Variants in ATG4A observed in about 807,000 individuals in gnomAD.
ATG4A encodes cysteine protease ATG4A.
A neutral mutation model predicts 38.4 loss-of-function variants in ATG4A; 22 were observed. The observed-to-expected ratio is 0.57, with a 90% confidence interval of 0.41 to 0.82. The LOEUF is 0.82. Among genes scored for constraint, ATG4A ranks in the 40% least tolerant of loss-of-function variants. The pLI, the probability that ATG4A is intolerant of heterozygous loss-of-function variation, is 0.00. For missense variants in ATG4A, 220 were observed against 290.0 expected (o/e 0.76, Z 1.75); for synonymous variants, 86 against 100.7 (o/e 0.85, Z 0.88).
chrX:108,141,039 C>CGTGT (rs2033249821), intron 9 of ATG4A, among the ~76,000 whole-genome samples: 1 of 49,430 alleles, frequency 2.0e-5, no homozygotes, highest in Non-Finnish European at 3.4e-5. Flanking sequence ...TACATATATA[C>CGTGT]ATATATATAC....
rs191969259 is a variant in ATG4A, at chrX:108,108,600, T to A, written c.10+16764T>A. The stretch of plus-strand genomic sequence containing the variant: ...TACTTCTTTATTTTTAGCTTTTTTT[T>A]AAATTGTGGTGAAAAATATAAACCA... On this transcript the variant is annotated intron_variant, in intron 1 of 12. Coordinates refer to ENST00000372232, the MANE Select transcript of ATG4A (RefSeq NM_052936.5). Among the ~76,000 whole-genome samples the A allele has an allele frequency of 3.4e-3, 378 of 111,390 alleles. 3 individuals are homozygous for A. The highest frequency in any genetic ancestry group is 0.012 in the African/African-American group (359 of 30,662).
chrX:108,151,102 A>AT (rs1461643056), intron 10 of ATG4A, among the ~76,000 whole-genome samples: 1 of 111,581 alleles, frequency 9.0e-6, no homozygotes, highest in African/African-American at 3.3e-5. Context: ...CACTAGGGAG[A>AT]GATAAGGGAG....
chrX:108,124,114 A>C (rs988289751), intron 1 of ATG4A, among the ~76,000 whole-genome samples: 1 of 111,996 alleles, frequency 8.9e-6, no homozygotes, highest in Non-Finnish European at 1.9e-5. Flanking sequence ...GCACAGTGTG[A>C]TTTGCCCTGC....
intron 2 of ATG4A, chrX:108,126,694 C>T: frequency 1.1e-6 from 1 of 904,324 alleles, no homozygotes; most frequent in Non-Finnish European, 1.4e-6. Flanking sequence ...GACCGTAGCA[C>T]TGTCTCAGTT....
chrX:108,116,596 T>C (rs774169769), intron 1 of ATG4A, among the ~76,000 whole-genome samples: 1 of 112,147 alleles, frequency 8.9e-6, no homozygotes, highest in South Asian at 3.8e-4. Flanking sequence ...TCTAGGTGAC[T>C]ACTTGGTGCA....
Position 108,131,260 on chromosome X carries a change from G to A in ATG4A, c.194G>A (p.Gly65Asp), listed in dbSNP as rs748777915. Residue 65 changes from glycine (G) to aspartate (D), a missense_variant and splice_region_variant, in exon 4 of 13, where the codon GGT becomes GAT. Around this residue, in one of 3 missense-constraint regions of ATG4A, gnomAD observed 61 missense variants for 83.3 expected, o/e 0.73. Coordinates refer to ENST00000372232, the MANE Select transcript of ATG4A (RefSeq NM_052936.5). ...FTYRRKFSPI[G>D]GTGPSSDAGW... Reference sequence around the variant, plus strand: ...TAATTCCCTTCCATTTTGCCAACAGGTGGAACGGGCCCTTCATCAGATGCT... The same window carrying A: ...TAATTCCCTTCCATTTTGCCAACAGATGGAACGGGCCCTTCATCAGATGCT... 8.3e-7 allele frequency: 1 copy of A among 1,209,048 alleles called. No homozygotes were observed. The highest frequency in any genetic ancestry group is 1.7e-5 in the African/African-American group (1 of 57,318).
intron 2 of ATG4A, among the ~76,000 whole-genome samples, chrX:108,127,897 T>A (rs2059638719): frequency 8.9e-6 from 1 of 111,979 alleles, no homozygotes; most frequent in South Asian, 3.8e-4. Flanking sequence ...AGTAAATTTA[T>A]GTCATAAAAT....
chrX:108,148,322 G>C (rs950596539), intron 9 of ATG4A, among the ~76,000 whole-genome samples: 1 of 106,764 alleles, frequency 9.4e-6, no homozygotes, highest in Non-Finnish European at 1.9e-5. Flanking sequence ...ATTAAGGACC[G>C]GTCTGCCTTT....
intron 4 of ATG4A, among the ~76,000 whole-genome samples, chrX:108,133,457 A>G (rs1295072891): frequency 8.9e-6 from 1 of 112,670 alleles, no homozygotes; most frequent in African/African-American, 3.2e-5. Context: ...AACACCTGAT[A>G]GCAAAGGTAT....
At chrX:108,135,375 G>A (rs1422042696) in intron 6 of ATG4A, among the ~76,000 whole-genome samples, 2 of 112,206 alleles carry the variant, frequency 1.8e-5, no homozygotes, top group Non-Finnish European at 3.8e-5. Flanking sequence ...TGGGCATTAT[G>A]GGGGAACCTG....
At chrX:108,134,230 G>T in intron 5 of ATG4A, 72 bp downstream of exon 5, 38 of 1,124,639 alleles carry the variant, frequency 3.4e-5, no homozygotes, top group Non-Finnish European at 4.5e-5. Flanking sequence ...CTTATATGTG[G>T]CTCCATTAAG....
chrX:108,099,861 T>C (rs973910676), intron 1 of ATG4A, among the ~76,000 whole-genome samples: 10 of 112,100 alleles, frequency 8.9e-5, no homozygotes, highest in African/African-American at 3.2e-4. Flanking sequence ...CCACACAGTG[T>C]TGAATACTGT....
chrX:108,149,806 C>A (rs776788101), intron 9 of ATG4A, among the ~76,000 whole-genome samples: 2 of 112,435 alleles, frequency 1.8e-5, no homozygotes, highest in South Asian at 7.4e-4. Flanking sequence ...CCTGGGCCCA[C>A]GACCTGGTGA....
chrX:108,136,425 T>G (rs909689777), intron 6 of ATG4A, among the ~76,000 whole-genome samples: 1 of 111,462 alleles, frequency 9.0e-6, no homozygotes, highest in Non-Finnish European at 1.9e-5. Context: ...TAAAGGGGTT[T>G]TCTTTCTAAT....
intron 1 of ATG4A, among the ~76,000 whole-genome samples, chrX:108,104,868 C>T (rs1195047092): frequency 2.8e-5 from 3 of 108,424 alleles, no homozygotes; most frequent in African/African-American, 6.7e-5. Context: ...TAACTTGTCT[C>T]TGAGTTCACC....
chrX:108,133,249 C>A (rs144250091), intron 4 of ATG4A, among the ~76,000 whole-genome samples: 3,785 of 112,231 alleles, frequency 0.034, 148 homozygotes, highest in African/African-American at 0.12. Flanking sequence ...TTGTCTTGGA[C>A]GCAAACTAAG....
chrX:108,111,002 C>T (rs1356118789), intron 1 of ATG4A, among the ~76,000 whole-genome samples: 1 of 111,497 alleles, frequency 9.0e-6, no homozygotes, highest in Non-Finnish European at 1.9e-5. Flanking sequence ...CTTCCAGGCT[C>T]AAGTGATCCT....
chrX:108,143,857 T>C (rs888963917), intron 9 of ATG4A: 1 of 119,294 alleles, frequency 8.4e-6, no homozygotes, highest in Admixed American at 9.3e-5. Context: ...GTACCATATA[T>C]TGAATGCTAA....
intron 1 of ATG4A, among the ~76,000 whole-genome samples, chrX:108,123,470 C>G (rs1299255336): frequency 8.9e-6 from 1 of 112,153 alleles, no homozygotes; most frequent in Non-Finnish European, 1.9e-5. Context: ...TGAGTTCTCC[C>G]TATGTAGGAC....
Sources: allele counts gnomAD v4.1 joint callset (sites outside exome capture counted in the v4.1 genomes callset), GRCh38; gene constraint gnomAD v4.1.1; regional missense constraint gnomAD v4.1.1; transcripts MANE v1.5; gene names NCBI Gene and HGNC (gene_info 2026-07-23, HGNC 2026-07-21).